KLHL29: variants seen among roughly 807,000 people sequenced by gnomAD.
KLHL29 encodes kelch-like protein 29.
A neutral mutation model predicts 80.4 loss-of-function variants in KLHL29; 21 were observed. That is an observed-to-expected ratio of 0.26 (90% confidence interval 0.19 to 0.38). The LOEUF (loss-of-function observed/expected upper bound fraction) is 0.38. KLHL29 is among the 10% of genes least tolerant of loss of function. The pLI, the probability that KLHL29 is intolerant of heterozygous loss-of-function variation, is 1.00. For missense variants in KLHL29, 867 were observed against 1,223.9 expected, an observed-to-expected ratio of 0.71 and a Z score of 4.35; for synonymous variants, 511 against 526.8, an observed-to-expected ratio of 0.97 and a Z score of 0.41.
intron 3 of KLHL29, among the ~76,000 whole-genome samples, chr2:23,622,333 G>A (rs1367322161): frequency 6.6e-6 from 1 of 152,064 alleles, no homozygotes; most frequent in Non-Finnish European, 1.5e-5. Flanking sequence ...CCTCCTCCAG[G>A]CAGCTTTCCT....
chr2:23,469,578 A>AAG (rs1664440067), intron 1 of KLHL29, among the ~76,000 whole-genome samples: 1 of 152,222 alleles, frequency 6.6e-6, no homozygotes, highest in African/African-American at 2.4e-5. Flanking sequence ...GCCTGTTTAT[A>AAG]AGAGCAAAAT....
At chr2:23,652,293 T>C (rs944533704) in intron 5 of KLHL29, among the ~76,000 whole-genome samples, 6 of 152,224 alleles carry the variant, frequency 3.9e-5, no homozygotes, top group Non-Finnish European at 8.8e-5. Flanking sequence ...CCATAGAACT[T>C]TCATGCTGGG....
chr2:23,522,591 G>C (rs1265244230), intron 2 of KLHL29, among the ~76,000 whole-genome samples: 1 of 151,996 alleles, frequency 6.6e-6, no homozygotes, highest in Admixed American at 6.5e-5. Flanking sequence ...TTTGCAGGTT[G>C]GAGAGTCATC....
intron 6 of KLHL29, among the ~76,000 whole-genome samples, chr2:23,687,890 G>T (rs954858870): frequency 6.6e-6 from 1 of 152,166 alleles, no homozygotes; most frequent in Non-Finnish European, 1.5e-5. Flanking sequence ...CCAGATGTGT[G>T]TTTTGTAAAG....
At chr2:23,547,985 G>T (rs1255124907) in intron 2 of KLHL29, among the ~76,000 whole-genome samples, 1 of 152,096 alleles carries the variant, frequency 6.6e-6, no homozygotes, top group Non-Finnish European at 1.5e-5. Context: ...TGAGGCCTGT[G>T]TGCGTGGCCA....
chr2:23,512,053 G>T (rs764118842), intron 2 of KLHL29, among the ~76,000 whole-genome samples: 2 of 152,246 alleles, frequency 1.3e-5, no homozygotes, highest in African/African-American at 2.4e-5. Context: ...GGAACCCGCA[G>T]TGGATGCAGC....
intron 1 of KLHL29, among the ~76,000 whole-genome samples, chr2:23,388,692 CCTT>C (rs1464966558): frequency 6.6e-5 from 10 of 152,176 alleles, no homozygotes; most frequent in South Asian, 2.1e-4. Flanking sequence ...TAAAGTATCT[CCTT>C]CTTTTTTCCT....
intron 5 of KLHL29, among the ~76,000 whole-genome samples, chr2:23,679,824 G>T (rs557017501): frequency 6.6e-6 from 1 of 152,318 alleles, no homozygotes; most frequent in East Asian, 1.9e-4. Context: ...AGAGGCCCAG[G>T]ACAAAATAAC....
intron 3 of KLHL29, among the ~76,000 whole-genome samples, chr2:23,625,656 C>G (rs529962313): frequency 6.6e-6 from 1 of 152,240 alleles, no homozygotes; most frequent in African/African-American, 2.4e-5. Context: ...GATCTCCACT[C>G]GGTTCACTCA....
chr2:23,448,142 T>C (rs1663763934), intron 1 of KLHL29, among the ~76,000 whole-genome samples: 3 of 152,092 alleles, frequency 2.0e-5, no homozygotes, highest in Admixed American at 1.3e-4. Context: ...TCCTGGAAGA[T>C]CCACAGGACG....
At chr2:23,436,280 T>TTGTGTG (rs57931176) in intron 1 of KLHL29, among the ~76,000 whole-genome samples, 3,377 of 136,964 alleles carry the variant, frequency 0.025, 69 homozygotes, top group African/African-American at 0.041. Context: ...CCAATCAGCT[T>TTGTGTG]TGTGTGTGTG....
rs116389878 is a variant in KLHL29, at chr2:23,521,772, G to A, written c.-45-40380G>A. Among the ~76,000 whole-genome samples, 798 of 152,336 alleles carry A rather than the reference G, an allele frequency of 5.2e-3. 6 individuals carry two copies. Among genetic ancestry groups the A allele is most frequent in the African/African-American group, 0.018 (747 of 41,574 alleles). ...AGATGGTAAACATCAGAGCCAGGAC[G>A]TAAGGCTCTGTTGAATTCCAAAGCC... is the stretch of plus-strand genomic sequence containing the variant. On this transcript the variant is annotated intron_variant, in intron 2 of 13. Transcript: ENST00000486442.
intron 6 of KLHL29, among the ~76,000 whole-genome samples, chr2:23,687,364 C>T (rs925457171): frequency 5.3e-5 from 8 of 152,364 alleles, no homozygotes; most frequent in African/African-American, 7.2e-5. Context: ...GTCCACCACT[C>T]CAGCCCCAGG....
intron 5 of KLHL29, among the ~76,000 whole-genome samples, chr2:23,678,683 G>C (rs1401872616): frequency 2.6e-5 from 4 of 152,178 alleles, no homozygotes; most frequent in Non-Finnish European, 4.4e-5. Context: ...AAGGATGAAT[G>C]GTTAAACAGT....
At chr2:23,471,224 G>A (rs1664487909) in intron 1 of KLHL29, among the ~76,000 whole-genome samples, 1 of 152,210 alleles carries the variant, frequency 6.6e-6, no homozygotes, top group Admixed American at 6.5e-5. Context: ...TGGAGAGTGT[G>A]GTTACGACCC....
chr2:23,620,948 C>A (rs1466197768), intron 3 of KLHL29, among the ~76,000 whole-genome samples: 3 of 152,240 alleles, frequency 2.0e-5, no homozygotes, highest in Non-Finnish European at 4.4e-5. Context: ...ACGGGGATGA[C>A]CCCGCATGGG....
At chr2:23,675,778 G>T (rs941943557) in intron 5 of KLHL29, among the ~76,000 whole-genome samples, 1 of 152,194 alleles carries the variant, frequency 6.6e-6, no homozygotes, top group Non-Finnish European at 1.5e-5. Context: ...GGTTATCGCC[G>T]TTATTAGCAC....
chr2:23,431,107 C>T (rs1427957391), intron 1 of KLHL29, among the ~76,000 whole-genome samples: 1 of 152,212 alleles, frequency 6.6e-6, no homozygotes, highest in Non-Finnish European at 1.5e-5. Flanking sequence ...CCCTCTAGCA[C>T]CTGTGTAGAA....
At chr2:23,502,960 C>T (rs1665496783) in intron 2 of KLHL29, among the ~76,000 whole-genome samples, 3 of 152,136 alleles carry the variant, frequency 2.0e-5, no homozygotes, top group Admixed American at 2.0e-4. Flanking sequence ...GATGGCCAAG[C>T]TTGAAATATT....
Sources: allele counts gnomAD v4.1 joint callset (sites outside exome capture counted in the v4.1 genomes callset), GRCh38; gene constraint gnomAD v4.1.1; transcripts MANE v1.5; gene names NCBI Gene and HGNC (gene_info 2026-07-23, HGNC 2026-07-21).